Variants in ANK3 observed in about 807,000 individuals in gnomAD.
ANK3 encodes the protein ankyrin 3.
A neutral mutation model predicts 370.9 loss-of-function variants in ANK3; 57 were observed. The ratio of observed to expected loss-of-function variants is 0.15; its 90% CI spans 0.12 to 0.19. ANK3 has a LOEUF of 0.19. Ranked by LOEUF, ANK3 falls within the 10% of genes least tolerant of loss-of-function variation. The pLI is 1.00. For missense variants in ANK3, 4,439 were observed against 5,302.1 expected (o/e 0.84, Z 5.06); for synonymous variants, 1,929 against 1,946.3 (o/e 0.99, Z 0.23).
intron 23 of ANK3, among the ~76,000 whole-genome samples, chr10:60,150,739 C>A (rs556045945): frequency 6.6e-6 from 1 of 152,136 alleles, no homozygotes; most frequent in African/African-American, 2.4e-5. Context: ...CCTGCTCCCC[C>A]TTCTCCTTCT....
At chr10:60,690,234 G>A (rs2079331589) in intron 1 of ANK3, among the ~76,000 whole-genome samples, 2 of 152,162 alleles carry the variant, frequency 1.3e-5, no homozygotes, top group South Asian at 4.1e-4. Context: ...GGGACTGGTT[G>A]GACAGTGGGT....
chr10:60,221,704 C>A (rs997865476), intron 8 of ANK3, among the ~76,000 whole-genome samples: 1 of 152,164 alleles, frequency 6.6e-6, no homozygotes, highest in Non-Finnish European at 1.5e-5. Flanking sequence ...AAATTTAGAA[C>A]GAGGCTTGGA....
At chr10:60,656,732 A>G (rs2078869350) in intron 1 of ANK3, among the ~76,000 whole-genome samples, 1 of 151,848 alleles carries the variant, frequency 6.6e-6, no homozygotes, top group Non-Finnish European at 1.5e-5. Context: ...TGGTATTTTT[A>G]TTATCATTGA....
intron 1 of ANK3, among the ~76,000 whole-genome samples, chr10:60,313,931 T>G (rs548987256): frequency 2.8e-4 from 43 of 150,970 alleles, no homozygotes; most frequent in African/African-American, 8.7e-4. Flanking sequence ...TGTTTTTGTT[T>G]TTTTTTTTTT....
chr10:60,165,974 T>C (rs1378708298), intron 23 of ANK3, among the ~76,000 whole-genome samples: 1 of 152,238 alleles, frequency 6.6e-6, no homozygotes, highest in Non-Finnish European at 1.5e-5. Flanking sequence ...GATATATCTG[T>C]ATATCATGAC....
intron 1 of ANK3, among the ~76,000 whole-genome samples, chr10:60,336,864 C>T (rs945528491): frequency 2.0e-5 from 3 of 152,016 alleles, no homozygotes; most frequent in Non-Finnish European, 4.4e-5. Flanking sequence ...AGGACTCGTC[C>T]CTCGGACCAT....
intron 25 of ANK3, among the ~76,000 whole-genome samples, chr10:60,127,942 C>T (rs767271810): frequency 6.6e-6 from 1 of 151,992 alleles, no homozygotes; most frequent in Admixed American, 6.6e-5. Flanking sequence ...CGTGATCTGC[C>T]CACCTTGGCC....
intron 1 of ANK3, among the ~76,000 whole-genome samples, chr10:60,377,592 G>A (rs148178119): frequency 2.5e-3 from 385 of 152,218 alleles, no homozygotes; most frequent in African/African-American, 8.8e-3. Context: ...TGATGATGAG[G>A]GAGAGATAAA....
intron 2 of ANK3, among the ~76,000 whole-genome samples, chr10:60,544,622 C>T (rs1171114402): frequency 6.6e-6 from 1 of 151,976 alleles, no homozygotes; most frequent in Non-Finnish European, 1.5e-5. Context: ...TATTAGACAG[C>T]TCACTCTAAA....
chr10:60,681,301 C>CTT (rs1346757964), intron 1 of ANK3, among the ~76,000 whole-genome samples: 1 of 152,120 alleles, frequency 6.6e-6, no homozygotes. Context: ...TCCCACTGCC[C>CTT]TCAGGTCCAA....
intron 23 of ANK3, among the ~76,000 whole-genome samples, chr10:60,157,885 AAAG>A (rs2095384963): frequency 1.1e-5 from 1 of 91,298 alleles, no homozygotes; most frequent in South Asian, 4.0e-4. Context: ...AGAGAGAGAA[AAAG>A]AGAGAGAGAG....
intron 1 of ANK3, among the ~76,000 whole-genome samples, chr10:60,709,321 ATCTATATCTAT>A (rs1273270277): frequency 8.0e-6 from 1 of 124,712 alleles, no homozygotes; most frequent in Non-Finnish European, 1.8e-5. Flanking sequence ...CTATATCTAT[ATCTATATCTAT>A]ATCTATCTAC....
At position 60,046,666 on chromosome 10, in the gene ANK3, ATAGAT is replaced by A. The variant is rs1477655794; in HGVS notation, c.13066-3912_13066-3908del. Among the ~76,000 whole-genome samples, 20 of 152,270 alleles carry A rather than the reference ATAGAT, an allele frequency of 1.3e-4. No homozygotes were observed. In the East Asian group the frequency reaches 3.7e-3, roughly 28 times the overall value. On this transcript the variant is annotated intron_variant, in intron 42 of 43. Transcript: ENST00000280772. Reference sequence around the variant, plus strand: ...AATAGATTAGATAGGAGTTGATTAAATAGATAGGAAAGACAGCAGGGAGTCATAAA... The same window carrying A: ...AATAGATTAGATAGGAGTTGATTAAAAGGAAAGACAGCAGGGAGTCATAAA...
At chr10:60,547,458 C>T (rs1363305261) in intron 2 of ANK3, among the ~76,000 whole-genome samples, 1 of 148,162 alleles carries the variant, frequency 6.7e-6, no homozygotes, top group African/African-American at 2.5e-5. Context: ...TGGAGTGGCG[C>T]GATCTCGGCT....
chr10:60,589,716 T>C (rs1356219366), intron 2 of ANK3, among the ~76,000 whole-genome samples: 1 of 152,232 alleles, frequency 6.6e-6, no homozygotes, highest in Non-Finnish European at 1.5e-5. Flanking sequence ...AATAATCTTG[T>C]AATTCTTTCC....
intron 1 of ANK3, among the ~76,000 whole-genome samples, chr10:60,637,678 C>G (rs549396555): frequency 7.1e-4 from 108 of 152,148 alleles, no homozygotes; most frequent in African/African-American, 2.5e-3. Flanking sequence ...AATCATGGAG[C>G]CTCTTCAGGG....
intron 43 of ANK3, among the ~76,000 whole-genome samples, chr10:60,036,307 T>C (rs530821893): frequency 6.6e-6 from 1 of 152,084 alleles, no homozygotes; most frequent in South Asian, 2.1e-4. Context: ...AATCCAAAGC[T>C]CTTCAAGGTT....
At chr10:60,395,550 C>CTCTTTCTTTCTTTCTTT (rs1555367059) in intron 2 of ANK3, among the ~76,000 whole-genome samples, 3 of 108,380 alleles carry the variant, frequency 2.8e-5, no homozygotes, top group African/African-American at 1.0e-4. Flanking sequence ...ACTACTATGC[C>CTCTTTCTTTCTTTCTTT]TCTTTCTTTC....
At chr10:60,177,608 T>TTTTTTTG (rs2096009485) in intron 18 of ANK3, among the ~76,000 whole-genome samples, 2 of 146,522 alleles carry the variant, frequency 1.4e-5, no homozygotes, top group African/African-American at 5.0e-5. Flanking sequence ...TTTTTTTTTT[T>TTTTTTTG]TTTGTTTGAG....
Sources: gnomAD v4.1 joint callset for allele counts (sites outside exome capture counted in the v4.1 genomes callset) on GRCh38, gnomAD v4.1.1 for gene constraint, MANE v1.5 for transcripts, NCBI Gene and HGNC (gene_info 2026-07-23, HGNC 2026-07-21) for gene names.